The following LMNA variants were observed in gnomAD, a reference collection of about 807,000 sequenced individuals.
The protein encoded by LMNA is lamin.
LMNA carries 20 observed loss-of-function variants against 70.4 expected under a neutral mutation model. That is an observed-to-expected ratio of 0.28 (90% CI 0.20 to 0.41). LMNA has a LOEUF of 0.41. LMNA is among the 10% of genes least tolerant of loss of function. The probability of loss-of-function intolerance (pLI) is 1.00; values close to 1 mark genes in which losing one functional copy is unlikely to be tolerated. For missense variants in LMNA, 652 were observed against 917.2 expected (o/e 0.71, Z 3.73); for synonymous variants, 339 against 372.8 (o/e 0.91, Z 1.04).
At position 156,135,395 on chromosome 1, in the gene LMNA, GT is replaced by G; in HGVS notation, c.936+84del. On this transcript the variant is annotated intron_variant, in intron 5 of 11. Coordinates refer to ENST00000368300, the MANE Select transcript of LMNA (RefSeq NM_170707.4). The surrounding 1 kb of genome is among the most constrained non-coding windows in gnomAD (Gnocchi z 4.8). ...TGGAAGCCCAGGGTTGGGGGTGGGGGTGGGGGTGGGAGGTTCCTGAGGAGGA... is the reference window on the plus strand; with the variant it reads ...TGGAAGCCCAGGGTTGGGGGTGGGGGGGGGGTGGGAGGTTCCTGAGGAGGA... 7.0e-7 allele frequency: 1 copy of G among 1,436,786 alleles called. No individual in the cohort carries two copies. The highest frequency in any genetic ancestry group is 9.5e-7 in the Non-Finnish European group (1 of 1,051,150). The allele number at this position is 1,436,786 out of a possible 1,614,324, so 89.0% of individuals were successfully genotyped here. A position where few individuals can be genotyped will look rare whatever the true frequency, so the allele number is the denominator to read the frequency against.
intron 3 of LMNA, among the ~76,000 whole-genome samples, chr1:156,097,835 C>T (rs781190653): frequency 2.0e-5 from 3 of 152,244 alleles, no homozygotes; most frequent in Non-Finnish European, 2.9e-5. Context: ...CTCTCACTCT[C>T]CTCCAAGCCC....
Position 156,137,625 on chromosome 1 carries a change from C to T in LMNA, c.1609-29C>T. The stretch of plus-strand genomic sequence containing the variant: ...TGTACAACCCTTCCCTGGCCCTGAC[C>T]CTTGGACCTGGTTCCATGTCCCCAC... On this transcript the variant is annotated intron_variant, in intron 9 of 11. Coordinates refer to ENST00000368300, the MANE Select transcript of LMNA (RefSeq NM_170707.4). This position sits in a 1 kb window ranked among gnomAD's most constrained non-coding sequence, Gnocchi z 4.6. 6.5e-7 allele frequency: 1 copy of T among 1,545,894 alleles called. No homozygotes were observed.
At chr1:156,086,425 T>TCTC (rs1553259431) in intron 2 of LMNA, among the ~76,000 whole-genome samples, 2 of 151,078 alleles carry the variant, frequency 1.3e-5, no homozygotes, top group African/African-American at 2.4e-5. Flanking sequence ...TCTCTCTCTC[T>TCTC]TTTGTCTTTC....
intron 3 of LMNA, among the ~76,000 whole-genome samples, chr1:156,099,145 A>C (rs140976426): frequency 2.0e-5 from 3 of 152,238 alleles, no homozygotes; most frequent in African/African-American, 7.2e-5. Flanking sequence ...TTCCCTTTGA[A>C]GGAGAGGGCC....
intron 1 of LMNA, chr1:156,126,910 T>TC (rs1650636027): frequency 1.9e-6 from 3 of 1,602,756 alleles, no homozygotes; most frequent in Non-Finnish European, 2.6e-6. Context: ...AGCCAGGGTC[T>TC]CCCCTGTGAG....
chr1:156,103,916 C>T lies in LMNA; in HGVS notation c.-206-10797C>T, dbSNP rs921705288. Among the ~76,000 whole-genome samples the T allele has an allele frequency of 6.6e-5, 10 of 152,176 alleles. No individual in the cohort carries two copies. Among genetic ancestry groups the T allele is most frequent in the Non-Finnish European group, 1.3e-4 (9 of 68,028 alleles). Reference sequence around the variant, plus strand: ...TTCGAAGCCTCTAGTGGAGTCACTCCTTTCCTTCCCCGAACCCGGCCTCAG... The same window carrying T: ...TTCGAAGCCTCTAGTGGAGTCACTCTTTTCCTTCCCCGAACCCGGCCTCAG... On this transcript the variant is annotated intron_variant, in intron 3 of 12. Transcript: ENST00000368301. The surrounding 1 kb of genome is among the most constrained non-coding windows in gnomAD (Gnocchi z 4.7).
Position 156,136,713 on chromosome 1 carries a change from G to A in LMNA, c.1381-208G>A. 4 of 677,696 alleles carry A rather than the reference G, an allele frequency of 5.9e-6. No homozygotes were observed. In the South Asian group the frequency reaches 6.5e-5, roughly 11 times the overall value. The allele number at this position is 677,696 out of a possible 1,614,324, so 42.0% of individuals were successfully genotyped here. A position where few individuals can be genotyped will look rare whatever the true frequency, so the allele number is the denominator to read the frequency against. Reference sequence around the variant, plus strand: ...TAAGTCTTTGAGTTGTCAGGAAGATGAAAGATAAGGTATCCGTGTGCCTGG... The same window carrying A: ...TAAGTCTTTGAGTTGTCAGGAAGATAAAAGATAAGGTATCCGTGTGCCTGG... On this transcript the variant is annotated intron_variant, in intron 7 of 11. Coordinates refer to ENST00000368300, the MANE Select transcript of LMNA (RefSeq NM_170707.4). The surrounding 1 kb of genome is among the most constrained non-coding windows in gnomAD (Gnocchi z 6.1).
intron 1 of LMNA, among the ~76,000 whole-genome samples, chr1:156,116,554 A>G (rs1649840250): frequency 6.6e-6 from 1 of 151,664 alleles, no homozygotes; most frequent in South Asian, 2.1e-4. Flanking sequence ...TTTATCATCT[A>G]CTCCAAACTT....
In LMNA at chr1:156,137,246, G is replaced by A. The variant is rs1486746526; in HGVS notation, c.1608+14G>A. The A allele has an allele frequency of 2.6e-6, 4 of 1,562,288 alleles. No individual in the cohort carries two copies. Among genetic ancestry groups the A allele is most frequent in the Non-Finnish European group, 3.5e-6 (4 of 1,157,700 alleles). On this transcript the variant is annotated intron_variant, in intron 9 of 11. Transcript: ENST00000368300. This position sits in a 1 kb window ranked among gnomAD's most constrained non-coding sequence, Gnocchi z 4.6. ...TCCACTGGGGAAGTAAGTAGGCCTG[G>A]GCCTGGCTGCTTGCTGGACGAGGCT...
rs594028 is a variant in LMNA, at chr1:156,126,626, T to G, written c.357-3991T>G. ...TCCTTGTCCCACCAGGCACAGCTCT[T>G]CAGACCCCTGCCTTGGGTCACATTT... is the stretch of plus-strand genomic sequence containing the variant. On this transcript the variant is annotated intron_variant, in intron 1 of 11. Transcript: ENST00000368300. The G allele has an allele frequency of 0.11, 115,321 of 1,091,068 alleles. 14,362 individuals carry two copies. Among genetic ancestry groups the G allele is most frequent in the African/African-American group, 0.57 (36,958 of 64,722 alleles). The allele number at this position is 1,091,068 out of a possible 1,614,324, so 67.6% of individuals were successfully genotyped here. A position where few individuals can be genotyped will look rare whatever the true frequency, so the allele number is the denominator to read the frequency against.
At chr1:156,085,604 C>T (rs545205870) in intron 2 of LMNA, among the ~76,000 whole-genome samples, 1 of 152,330 alleles carries the variant, frequency 6.6e-6, no homozygotes, top group Non-Finnish European at 1.5e-5. Flanking sequence ...AGAGCAGAGG[C>T]TCAATAGGGG....
At chr1:156,108,681 G>A (rs1356670853) in intron 3 of LMNA, among the ~76,000 whole-genome samples, 9 of 152,040 alleles carry the variant, frequency 5.9e-5, no homozygotes, top group Non-Finnish European at 7.4e-5. Flanking sequence ...CAGGAGAATC[G>A]CTTGAATTCA....
At position 156,114,969 on chromosome 1, in the gene LMNA, C is replaced by T. The variant is rs11549668; in HGVS notation, c.51C>T (p.Ser17=). ...CCACCCGCAGCGGGGCGCAGGCCAG[C>T]TCCACTCCGCTGTCGCCCACCCGCA... ...RRATRSGAQA[S]STPLSPTRIT... The change falls in exon 1 of 12, where the codon AGC becomes AGT. Residue 17 remains serine, a synonymous_variant. Transcript: ENST00000368300. 20,288 of 1,589,738 alleles carry T rather than the reference C, an allele frequency of 0.013. 154 individuals carry two copies. Among genetic ancestry groups the T allele is most frequent in the Admixed American group, 0.015 (886 of 57,402 alleles).
At chr1:156,118,123 G>A (rs982800850) in intron 1 of LMNA, among the ~76,000 whole-genome samples, 4 of 151,928 alleles carry the variant, frequency 2.6e-5, no homozygotes, top group Admixed American at 6.6e-5. Flanking sequence ...CAGGCCTGAC[G>A]CCAGGCCTGT....
intron 1 of LMNA, chr1:156,123,454 C>G (rs1650338542): frequency 6.6e-6 from 1 of 152,166 alleles, no homozygotes; most frequent in Admixed American, 6.6e-5. Context: ...TCCCAGTGTC[C>G]TCAGGGTTAA....
In LMNA at chr1:156,138,259, C is replaced by T; in HGVS notation, c.1699-229C>T. 1 of 599,690 alleles carries T rather than the reference C, an allele frequency of 1.7e-6. No homozygotes were observed. Among genetic ancestry groups the T allele is most frequent in the Non-Finnish European group, 3.0e-6 (1 of 337,324 alleles). 37.1% of individuals were successfully genotyped at this position (599,690 alleles called of 1,614,324 possible). On this transcript the variant is annotated intron_variant, in intron 10 of 11. Coordinates refer to ENST00000368300, the MANE Select transcript of LMNA (RefSeq NM_170707.4). The surrounding 1 kb of genome is among the most constrained non-coding windows in gnomAD (Gnocchi z 5.5). Reference sequence around the variant, plus strand: ...AGCTAGAACAGAGTCAGAGTCACTGCTCTGGTTCTCTGTCCCCAAGTCTTC... The same window carrying T: ...AGCTAGAACAGAGTCAGAGTCACTGTTCTGGTTCTCTGTCCCCAAGTCTTC...
In LMNA at chr1:156,139,520, C is replaced by T. The variant is rs1651936135; in HGVS notation, c.*414C>T. The T allele has an allele frequency of 1.5e-6, 2 of 1,347,998 alleles. No homozygotes were observed. Among genetic ancestry groups the T allele is most frequent in the Admixed American group, 3.5e-5 (1 of 28,376 alleles). 83.5% of individuals were successfully genotyped at this position (1,347,998 alleles called of 1,614,324 possible). A position where few individuals can be genotyped will look rare whatever the true frequency, so the allele number is the denominator to read the frequency against. The stretch of plus-strand genomic sequence containing the variant: ...ACCCTGTGACATGGTGCCTGAGAGG[C>T]AGGCATAGAGGCTTCTCCGCCAGCC... On this transcript the variant is annotated 3_prime_UTR_variant, in exon 12 of 12. Coordinates refer to ENST00000368300, the MANE Select transcript of LMNA (RefSeq NM_170707.4).
In LMNA at chr1:156,134,487, A is replaced by G. The variant is rs777419380; in HGVS notation, c.598A>G (p.Met200Val). The stretch of plus-strand genomic sequence containing the variant: ...GGATGCTGAGAACAGGCTGCAGACC[A>G]TGAAGGAGGAACTGGACTTCCAGAA... The part of the protein sequence containing the change: ...RVDAENRLQT[M>V]KEELDFQKNI... The change falls in exon 3 of 12, where the codon ATG (methionine) becomes GTG (valine). Residue 200 changes from methionine to valine, a missense_variant. By Grantham distance (21) the Met-to-Val change is conservative. Transcript: ENST00000368300. This position sits in a 1 kb window ranked among gnomAD's most constrained non-coding sequence, Gnocchi z 5.3. 6 of 1,614,070 alleles carry G rather than the reference A, an allele frequency of 3.7e-6. No homozygotes were observed. The highest frequency in any genetic ancestry group is 1.6e-4 in the Middle Eastern group (1 of 6,074).
rs1185109676 is a variant in LMNA at position 156,115,230 on chromosome 1, G to C, written c.312G>C (p.Leu104=). The C allele has an allele frequency of 6.2e-7, 1 of 1,613,044 alleles. No individual in the cohort carries two copies. The highest frequency in any genetic ancestry group is 1.3e-5 in the African/African-American group (1 of 74,950). ...SVAKERARLQ[L]ELSKVREEFK... is the part of the protein sequence containing the mutation. Reference sequence around the variant, plus strand: ...CCAAGGAGCGCGCCCGCCTGCAGCTGGAGCTGAGCAAAGTGCGTGAGGAGT... The same window carrying C: ...CCAAGGAGCGCGCCCGCCTGCAGCTCGAGCTGAGCAAAGTGCGTGAGGAGT... Residue 104 remains leucine (L), a synonymous_variant, in exon 1 of 12, where the codon CTG becomes CTC. Coordinates refer to ENST00000368300, the MANE Select transcript of LMNA (RefSeq NM_170707.4). This position sits in a 1 kb window ranked among gnomAD's most constrained non-coding sequence, Gnocchi z 5.8.
Sources: allele counts gnomAD v4.1 joint callset (sites outside exome capture counted in the v4.1 genomes callset), GRCh38; gene constraint gnomAD v4.1.1; non-coding constraint Gnocchi (gnomAD v3.1); transcripts MANE v1.5; gene names NCBI Gene and HGNC (gene_info 2026-07-23, HGNC 2026-07-21).